Variants in TMEM178A observed in about 807,000 individuals in gnomAD.
The protein encoded by TMEM178A is transmembrane protein 178.
A neutral mutation model predicts 29.1 loss-of-function variants in TMEM178A; 12 were observed. The ratio of observed to expected loss-of-function variants is 0.41; its 90% confidence interval spans 0.26 to 0.67. The LOEUF (loss-of-function observed/expected upper bound fraction) is 0.67, where lower values mean the gene tolerates loss of function less well. Ranked by LOEUF, TMEM178A falls within the 30% of genes least tolerant of loss-of-function variation. TMEM178A has a pLI of 0.29. For missense variants in TMEM178A, 366 were observed against 419.1 expected (o/e 0.87, Z 1.11); for synonymous variants, 210 against 187.2 (o/e 1.12, Z -0.99).
intron 1 of TMEM178A, among the ~76,000 whole-genome samples, chr2:39,689,958 G>A (rs1306690687): frequency 1.3e-5 from 2 of 152,176 alleles, no homozygotes; most frequent in East Asian, 1.9e-4. Flanking sequence ...AATGCCAAGA[G>A]AGACCACCTT....
chr2:39,679,379 G>C (rs1670772633), intron 1 of TMEM178A, among the ~76,000 whole-genome samples: 2 of 138,960 alleles, frequency 1.4e-5, no homozygotes, highest in African/African-American at 5.3e-5. Context: ...ATCCAAAGAA[G>C]ATAAGGTACT....
At chr2:39,680,356 G>A (rs1670815222) in intron 1 of TMEM178A, among the ~76,000 whole-genome samples, 1 of 152,034 alleles carries the variant, frequency 6.6e-6, no homozygotes, top group Admixed American at 6.6e-5. Flanking sequence ...GGCCTTTTTC[G>A]GTTTTCAAAT....
chr2:39,721,307 C>T (rs1208596789), downstream of TMEM178A, among the ~76,000 whole-genome samples: 1 of 152,214 alleles, frequency 6.6e-6, no homozygotes, highest in East Asian at 1.9e-4. Context: ...GGCATCAAAG[C>T]AAGATTTCTA....
chr2:39,729,225 T>C, the TMEM178A span, among the ~76,000 whole-genome samples: 2 of 152,198 alleles, frequency 1.3e-5, no homozygotes, highest in Non-Finnish European at 2.9e-5. Context: ...ATCCACACCA[T>C]AGCTTGCACC....
chr2:39,669,285 A>G (rs553619003), intron 1 of TMEM178A, among the ~76,000 whole-genome samples: 1 of 152,316 alleles, frequency 6.6e-6, no homozygotes, highest in South Asian at 2.1e-4. Context: ...GAAAATGTAG[A>G]GTTGATAATA....
At chr2:39,687,842 C>CATAGTG (rs1671149166) in intron 1 of TMEM178A, among the ~76,000 whole-genome samples, 1 of 152,246 alleles carries the variant, frequency 6.6e-6, no homozygotes, top group Non-Finnish European at 1.5e-5. Flanking sequence ...CAGATGTAGT[C>CATAGTG]ATAGTGATTC....
chr2:39,724,769 C>T, the TMEM178A span, among the ~76,000 whole-genome samples: 8,668 of 152,182 alleles, frequency 0.057, 846 homozygotes, highest in African/African-American at 0.2. Flanking sequence ...AGCATTAACC[C>T]AAGATCTCTC....
the TMEM178A span, among the ~76,000 whole-genome samples, chr2:39,735,732 T>C: frequency 6.6e-6 from 1 of 152,188 alleles, no homozygotes; most frequent in East Asian, 1.9e-4. Context: ...CTCTTAGAAT[T>C]TCCTAGGAAG....
intron 1 of TMEM178A, among the ~76,000 whole-genome samples, chr2:39,700,253 A>G (rs1183381288): frequency 1.3e-5 from 2 of 152,116 alleles, no homozygotes; most frequent in African/African-American, 4.8e-5. Context: ...TTGTTTTACT[A>G]TTATTGAAAT....
At chr2:39,696,371 C>G (rs1671541380) in intron 1 of TMEM178A, among the ~76,000 whole-genome samples, 1 of 152,152 alleles carries the variant, frequency 6.6e-6, no homozygotes, top group Admixed American at 6.5e-5. Context: ...GGCAGTGGTT[C>G]TGTATGGCGA....
the TMEM178A span, among the ~76,000 whole-genome samples, chr2:39,727,106 G>C: frequency 6.6e-6 from 1 of 152,196 alleles, no homozygotes; most frequent in Non-Finnish European, 1.5e-5. Context: ...GTGTTCCAGA[G>C]AGTGGTTTCA....
At position 39,682,548 on chromosome 2, in the gene TMEM178A, A is replaced by T. The variant is rs79644055; in HGVS notation, c.400+16174A>T. Among the ~76,000 whole-genome samples the T allele has an allele frequency of 3.0e-3, 455 of 152,236 alleles. 4 individuals are homozygous for T. The highest frequency in any genetic ancestry group is 0.011 in the African/African-American group (443 of 41,538). On this transcript the variant is annotated intron_variant, in intron 1 of 3. Coordinates refer to ENST00000281961, the MANE Select transcript of TMEM178A (RefSeq NM_152390.3). ...GCCAGGGGCCATAGATGAAGCAAGT[A>T]GATACTAGGTCTGAAGTTGGGGCAA...
intron 1 of TMEM178A, among the ~76,000 whole-genome samples, chr2:39,669,381 G>A (rs112377339): frequency 2.6e-5 from 4 of 152,328 alleles, no homozygotes; most frequent in African/African-American, 9.6e-5. Context: ...GAGATGTACA[G>A]GGGATAGAAA....
chr2:39,677,527 A>C (rs1393031372), intron 1 of TMEM178A, among the ~76,000 whole-genome samples: 1 of 152,208 alleles, frequency 6.6e-6, no homozygotes, highest in Non-Finnish European at 1.5e-5. Context: ...AAAGCCACTT[A>C]ACTCATGTCT....
At chr2:39,733,514 C>G in the TMEM178A span, among the ~76,000 whole-genome samples, 3 of 152,172 alleles carry the variant, frequency 2.0e-5, no homozygotes, top group Non-Finnish European at 4.4e-5. Flanking sequence ...CAGACAGTGC[C>G]TGTTGTGTAA....
At chr2:39,731,248 TTCAATATAA>T in the TMEM178A span, among the ~76,000 whole-genome samples, 1 of 152,248 alleles carries the variant, frequency 6.6e-6, no homozygotes, top group Non-Finnish European at 1.5e-5. Flanking sequence ...GGGGAGGGTC[TTCAATATAA>T]TTCCCCTCCT....
At chr2:39,712,313 T>C (rs1260866566) in intron 3 of TMEM178A, among the ~76,000 whole-genome samples, 1 of 152,096 alleles carries the variant, frequency 6.6e-6, no homozygotes, top group East Asian at 1.9e-4. Context: ...CAACTTCCAC[T>C]CCTTTCAGTC....
At chr2:39,726,753 A>T in the TMEM178A span, among the ~76,000 whole-genome samples, 1 of 152,178 alleles carries the variant, frequency 6.6e-6, no homozygotes, top group African/African-American at 2.4e-5. Flanking sequence ...GAGTCACAAA[A>T]AGGCAGCTAG....
chr2:39,675,477 G>C (rs1488026687), intron 1 of TMEM178A, among the ~76,000 whole-genome samples: 3 of 152,176 alleles, frequency 2.0e-5, no homozygotes, highest in Non-Finnish European at 4.4e-5. Context: ...GAGCCACTGA[G>C]AGGCGTGAAA....
Sources: gnomAD v4.1 joint callset for allele counts (sites outside exome capture counted in the v4.1 genomes callset) on GRCh38, gnomAD v4.1.1 for gene constraint, MANE v1.5 for transcripts, NCBI Gene and HGNC (gene_info 2026-07-23, HGNC 2026-07-21) for gene names.